Variants in CSMD3 observed in about 807,000 individuals in gnomAD.
The protein encoded by CSMD3 is CUB and Sushi multiple domains 3.
CSMD3 carries 177 observed loss-of-function variants against 435.2 expected under a neutral mutation model. The ratio of observed to expected loss-of-function variants is 0.41; its 90% CI spans 0.36 to 0.46. CSMD3 has a LOEUF of 0.46. CSMD3 is among the 20% of genes least tolerant of loss of function. The pLI is 0.34. For missense variants in CSMD3, 4,265 were observed against 4,504.6 expected (o/e 0.95, Z 1.52); for synonymous variants, 1,656 against 1,520.5 (o/e 1.09, Z -2.07).
intron 1 of CSMD3, among the ~76,000 whole-genome samples, chr8:113,408,297 T>A (rs1372974634): frequency 2.0e-5 from 3 of 152,158 alleles, no homozygotes; most frequent in Non-Finnish European, 4.4e-5. Context: ...ACAATCATAA[T>A]GAAAAAATAC....
intron 5 of CSMD3, among the ~76,000 whole-genome samples, chr8:113,054,122 T>C (rs1442105618): frequency 6.6e-6 from 1 of 152,094 alleles, no homozygotes; most frequent in Admixed American, 6.6e-5. Flanking sequence ...TCTCTTAAAT[T>C]CTCTCTTTTT....
At chr8:112,627,207 C>T (rs1214175295) in intron 22 of CSMD3, among the ~76,000 whole-genome samples, 3 of 152,088 alleles carry the variant, frequency 2.0e-5, no homozygotes, top group African/African-American at 7.2e-5. Flanking sequence ...TGCTTTAAAG[C>T]ACTACTTTGA....
chr8:113,328,386 C>T (rs1452953716), intron 1 of CSMD3, among the ~76,000 whole-genome samples: 3 of 144,882 alleles, frequency 2.1e-5, no homozygotes, highest in South Asian at 4.5e-4. Flanking sequence ...TGCAGTGAGC[C>T]GAGATCCCGC....
chr8:112,413,671 A>T (rs1000933370), intron 32 of CSMD3, among the ~76,000 whole-genome samples: 53 of 152,254 alleles, frequency 3.5e-4, no homozygotes, highest in African/African-American at 1.2e-3. Context: ...CTCACAGGGG[A>T]GGGCCTTTGC....
chr8:112,686,966 G>C (rs2076027006), intron 14 of CSMD3, among the ~76,000 whole-genome samples: 1 of 151,776 alleles, frequency 6.6e-6, no homozygotes, highest in South Asian at 2.1e-4. Flanking sequence ...TGTTCTTCTA[G>C]TGTTTGACAT....
chr8:113,386,020 A>G (rs2094437647), intron 1 of CSMD3, among the ~76,000 whole-genome samples: 1 of 152,092 alleles, frequency 6.6e-6, no homozygotes, highest in Admixed American at 6.6e-5. Flanking sequence ...AAGTTGAGAT[A>G]GTCAAATAGT....
chr8:113,148,843 T>C (rs561661899), intron 4 of CSMD3, among the ~76,000 whole-genome samples: 6 of 151,854 alleles, frequency 4.0e-5, no homozygotes, highest in Admixed American at 1.3e-4. Flanking sequence ...CAGAACTAAA[T>C]ATAACACTAA....
chr8:113,089,692 T>C (rs1248854553), intron 5 of CSMD3, among the ~76,000 whole-genome samples: 1 of 152,158 alleles, frequency 6.6e-6, no homozygotes, highest in Non-Finnish European at 1.5e-5. Flanking sequence ...AGTGCAAGTC[T>C]TCACTTGTCT....
At chr8:112,900,311 A>G (rs1468463680) in intron 10 of CSMD3, among the ~76,000 whole-genome samples, 20 of 151,282 alleles carry the variant, frequency 1.3e-4, no homozygotes, top group Admixed American at 1.3e-3. Context: ...TGTATAGAAA[A>G]CATCCTTAGT....
chr8:113,024,302 GT>G (rs1564222081), intron 5 of CSMD3, among the ~76,000 whole-genome samples: 1 of 6,182 alleles, frequency 1.6e-4, no homozygotes. Flanking sequence ...GTGTGTGTGT[GT>G]GTGTGTGTGT....
intron 6 of CSMD3, among the ~76,000 whole-genome samples, chr8:112,985,324 G>T (rs2085215819): frequency 6.6e-6 from 1 of 151,974 alleles, no homozygotes; most frequent in Admixed American, 6.6e-5. Context: ...GACATATTCA[G>T]AAAACTTCAA....
At chr8:112,401,283 T>A (rs1361483951) in intron 35 of CSMD3, among the ~76,000 whole-genome samples, 3 of 146,886 alleles carry the variant, frequency 2.0e-5, no homozygotes, top group African/African-American at 7.3e-5. Context: ...TCTCTTCAAA[T>A]GTTCACTTTC....
intron 13 of CSMD3, among the ~76,000 whole-genome samples, chr8:112,755,960 A>C (rs1017715381): frequency 6.6e-6 from 1 of 151,596 alleles, no homozygotes; most frequent in African/African-American, 2.4e-5. Flanking sequence ...ACTGGTCACA[A>C]GATTGAGATT....
chr8:113,263,160 C>T (rs2093440621), intron 3 of CSMD3, among the ~76,000 whole-genome samples: 1 of 151,918 alleles, frequency 6.6e-6, no homozygotes, highest in Non-Finnish European at 1.5e-5. Context: ...CTCTTTGTAA[C>T]ACGTGAAATA....
intron 11 of CSMD3, 55 bp from the exon 12 acceptor site, chr8:112,829,844 A>T (rs975926285): frequency 1.1e-6 from 1 of 947,210 alleles, no homozygotes; most frequent in Non-Finnish European, 1.7e-6. Flanking sequence ...CAATAAAAAC[A>T]ACAAAAAAAG....
chr8:112,784,923 G>A (rs1350331224), intron 13 of CSMD3, among the ~76,000 whole-genome samples: 2 of 151,890 alleles, frequency 1.3e-5, no homozygotes, highest in Non-Finnish European at 2.9e-5. Flanking sequence ...AAGGACAATA[G>A]TATCCTGATA....
intron 28 of CSMD3, among the ~76,000 whole-genome samples, chr8:112,510,685 C>T (rs1823026517): frequency 6.6e-6 from 1 of 151,984 alleles, no homozygotes; most frequent in African/African-American, 2.4e-5. Context: ...TAATATTAAC[C>T]CTCTGGTATC....
intron 3 of CSMD3, among the ~76,000 whole-genome samples, chr8:113,251,954 T>C (rs1262524514): frequency 1.3e-5 from 2 of 152,130 alleles, no homozygotes; most frequent in African/African-American, 4.8e-5. Context: ...AAATACTTCT[T>C]CAGATAAAAT....
chr8:112,405,557 T>C (rs59700311), intron 35 of CSMD3, among the ~76,000 whole-genome samples: 28,450 of 151,506 alleles, frequency 0.19, 3,223 homozygotes, highest in Middle Eastern at 0.37. Context: ...TTTTAGATAG[T>C]ATACATTCTA....
Sources: gnomAD v4.1 joint callset for allele counts (sites outside exome capture counted in the v4.1 genomes callset) on GRCh38, gnomAD v4.1.1 for gene constraint, MANE v1.5 for transcripts, NCBI Gene and HGNC (gene_info 2026-07-23, HGNC 2026-07-21) for gene names.